Variants in PTPRD observed in about 807,000 individuals in gnomAD.
PTPRD encodes the protein protein tyrosine phosphatase receptor type D, also known as receptor-type tyrosine-protein phosphatase delta.
PTPRD carries 34 observed loss-of-function variants against 214.5 expected under a neutral mutation model. The ratio of observed to expected loss-of-function variants is 0.16; its 90% CI spans 0.12 to 0.21. The LOEUF is 0.21. Ranked by LOEUF, PTPRD falls within the 10% of genes least tolerant of loss-of-function variation. The pLI is 1.00. For synonymous variants in PTPRD, 1,128 were observed against 845.7 expected (o/e 1.33, Z -5.79); for missense variants, 2,545 against 2,398.7 (o/e 1.06, Z -1.27).
In PTPRD at chr9:9,912,204, A is replaced by C. The variant is rs116982885; in HGVS notation, c.-368+26303T>G. On this transcript the variant is annotated intron_variant, in intron 5 of 45. Coordinates refer to ENST00000381196, the MANE Select transcript of PTPRD (RefSeq NM_002839.4). ...ATACACTTTTTTAATCGTTTAATTT[A>C]AAATCAAAATAAAAGATAAAGGAGC... Among the ~76,000 whole-genome samples, 1,259 of 152,296 alleles carry C rather than the reference A, an allele frequency of 8.3e-3. 9 individuals carry two copies. The highest frequency in any genetic ancestry group is 0.013 in the Non-Finnish European group (907 of 68,004).
At chr9:10,427,148 T>C (rs1587971389) in intron 2 of PTPRD, among the ~76,000 whole-genome samples, 1 of 152,004 alleles carries the variant, frequency 6.6e-6, no homozygotes, top group Non-Finnish European at 1.5e-5. Context: ...ATCTATTTTT[T>C]AAAACAACAG....
At chr9:10,074,737 C>A (rs1167873782) in intron 3 of PTPRD, among the ~76,000 whole-genome samples, 1 of 152,090 alleles carries the variant, frequency 6.6e-6, no homozygotes, top group Non-Finnish European at 1.5e-5. Context: ...GTTGTGCATT[C>A]AGCTTATGTT....
intron 9 of PTPRD, among the ~76,000 whole-genome samples, chr9:9,255,665 C>T (rs1385310313): frequency 1.3e-5 from 2 of 152,018 alleles, no homozygotes; most frequent in Admixed American, 1.3e-4. Context: ...TTTATTGGCA[C>T]AGATACTACA....
intron 11 of PTPRD, among the ~76,000 whole-genome samples, chr9:8,898,854 A>G (rs2098641746): frequency 6.6e-6 from 1 of 152,144 alleles, no homozygotes; most frequent in Non-Finnish European, 1.5e-5. Context: ...GATAGATTTT[A>G]TTTTTTAACA....
chr9:9,214,184 C>T (rs557131593), intron 9 of PTPRD, among the ~76,000 whole-genome samples: 1 of 152,254 alleles, frequency 6.6e-6, no homozygotes, highest in East Asian at 1.9e-4. Flanking sequence ...GGACATCAGG[C>T]CTGCTCCAGC....
At position 8,773,325 on chromosome 9, in the gene PTPRD, G is replaced by A. The variant is rs141666256; in HGVS notation, c.-103-39379C>T. Among the ~76,000 whole-genome samples the A allele has an allele frequency of 1.1e-3, 161 of 152,206 alleles. 1 individual carries two copies. Among genetic ancestry groups the A allele is most frequent in the African/African-American group, 3.6e-3 (150 of 41,538 alleles). On this transcript the variant is annotated intron_variant, in intron 11 of 45. Transcript: ENST00000381196. ...GACTCCAGCTGCCTTAGCCTACCCA[G>A]ACACTCGGCCCCATCTTCCCAACTC...
chr9:8,589,963 G>A (rs146507472), intron 14 of PTPRD, among the ~76,000 whole-genome samples: 77 of 152,222 alleles, frequency 5.1e-4, no homozygotes, highest in African/African-American at 1.7e-3. Context: ...AATTGCTTGC[G>A]TTCACTTGGT....
At chr9:9,008,382 C>T (rs2099491578) in intron 11 of PTPRD, among the ~76,000 whole-genome samples, 2 of 151,816 alleles carry the variant, frequency 1.3e-5, no homozygotes, top group East Asian at 1.9e-4. Context: ...CTCCCGCCAC[C>T]ACACCCGGCT....
At chr9:8,547,641 TAAAAAAAAA>T (rs759867541) in intron 14 of PTPRD, among the ~76,000 whole-genome samples, 1 of 110,974 alleles carries the variant, frequency 9.0e-6, no homozygotes, top group African/African-American at 3.3e-5. Flanking sequence ...GAATCCTATT[TAAAAAAAAA>T]AAAAAAAAAA....
At chr9:8,927,336 T>C (rs2098907140) in intron 11 of PTPRD, among the ~76,000 whole-genome samples, 1 of 152,154 alleles carries the variant, frequency 6.6e-6, no homozygotes. Context: ...ACCCATCATC[T>C]ACATTAGGTA....
chr9:9,278,849 T>A (rs1946618151), intron 9 of PTPRD, among the ~76,000 whole-genome samples: 1 of 151,054 alleles, frequency 6.6e-6, no homozygotes, highest in African/African-American at 2.4e-5. Context: ...CTCTCACTAT[T>A]CATCTACACA....
At chr9:9,543,087 G>A (rs1340684550) in intron 8 of PTPRD, among the ~76,000 whole-genome samples, 2 of 151,564 alleles carry the variant, frequency 1.3e-5, no homozygotes, top group Non-Finnish European at 3.0e-5. Flanking sequence ...TAAACAAATT[G>A]TGGTATATTC....
At chr9:8,818,333 T>C (rs997383346) in intron 11 of PTPRD, among the ~76,000 whole-genome samples, 6 of 152,308 alleles carry the variant, frequency 3.9e-5, no homozygotes, top group Admixed American at 3.9e-4. Flanking sequence ...TTTTAGCGGA[T>C]AGGCAGAGAG....
At chr9:10,462,730 T>C (rs2098967786) in intron 2 of PTPRD, among the ~76,000 whole-genome samples, 1 of 143,792 alleles carries the variant, frequency 7.0e-6, no homozygotes, top group South Asian at 2.1e-4. Context: ...AAGAAGGATA[T>C]AAGTAAAAAA....
At chr9:10,118,416 A>T (rs1342035892) in intron 3 of PTPRD, among the ~76,000 whole-genome samples, 1 of 151,724 alleles carries the variant, frequency 6.6e-6, no homozygotes, top group African/African-American at 2.4e-5. Flanking sequence ...AAAAGCACCT[A>T]GTTTAAAGAG....
At chr9:8,941,575 G>A (rs1447885652) in intron 11 of PTPRD, among the ~76,000 whole-genome samples, 1 of 152,118 alleles carries the variant, frequency 6.6e-6, no homozygotes, top group Admixed American at 6.5e-5. Flanking sequence ...GTTCCTTGGA[G>A]TATTGTTGGG....
At chr9:9,601,520 C>A (rs560360632) in intron 7 of PTPRD, among the ~76,000 whole-genome samples, 2 of 152,004 alleles carry the variant, frequency 1.3e-5, no homozygotes, top group Non-Finnish European at 2.9e-5. Flanking sequence ...AATGATAAAA[C>A]CATGAACAAT....
intron 12 of PTPRD, among the ~76,000 whole-genome samples, chr9:8,707,235 T>C (rs2098229062): frequency 6.6e-6 from 1 of 152,146 alleles, no homozygotes; most frequent in Non-Finnish European, 1.5e-5. Flanking sequence ...TAAGCAAACA[T>C]ACAAGGTCAC....
chr9:8,818,758 T>C (rs10815961), intron 11 of PTPRD, among the ~76,000 whole-genome samples: 85,238 of 152,144 alleles, frequency 0.56, 24,721 homozygotes, highest in African/African-American at 0.72. Context: ...ATTTATTGCA[T>C]TTATAAAATT....
Sources: gnomAD v4.1 joint callset for allele counts (sites outside exome capture counted in the v4.1 genomes callset) on GRCh38, gnomAD v4.1.1 for gene constraint, MANE v1.5 for transcripts, NCBI Gene and HGNC (gene_info 2026-07-23, HGNC 2026-07-21) for gene names.